Variants in SEMA5A observed in about 807,000 individuals in gnomAD.
SEMA5A encodes the protein semaphorin 5A.
A neutral mutation model predicts 135.5 loss-of-function variants in SEMA5A; 55 were observed. The ratio of observed to expected loss-of-function variants is 0.41; its 90% CI spans 0.33 to 0.51. The LOEUF is 0.51. Among genes scored for constraint, SEMA5A ranks in the 20% least tolerant of loss-of-function variants. The pLI is 0.37. For synonymous variants in SEMA5A, 580 were observed against 546.5 expected, an observed-to-expected ratio of 1.06 and a Z score of -0.85; for missense variants, 1,290 against 1,419.9, an observed-to-expected ratio of 0.91 and a Z score of 1.47.
At chr5:9,353,585 A>T (rs188529964) in intron 3 of SEMA5A, among the ~76,000 whole-genome samples, 3 of 152,268 alleles carry the variant, frequency 2.0e-5, no homozygotes, top group East Asian at 3.9e-4. Context: ...CAGATATCAT[A>T]TATCTGGTTT....
At chr5:9,096,349 C>T (rs1166618393) in intron 16 of SEMA5A, among the ~76,000 whole-genome samples, 1 of 152,214 alleles carries the variant, frequency 6.6e-6, no homozygotes, top group African/African-American at 2.4e-5. Flanking sequence ...ATTCCCCCTG[C>T]ACTCTCCTGC....
At chr5:9,123,484 T>G (rs1339343432) in intron 13 of SEMA5A, among the ~76,000 whole-genome samples, 1 of 148,394 alleles carries the variant, frequency 6.7e-6, no homozygotes, top group Non-Finnish European at 1.5e-5. Context: ...AGGAGAAGAA[T>G]GATGGGAGGA....
At chr5:9,488,649 G>T (rs1023836303) in intron 1 of SEMA5A, among the ~76,000 whole-genome samples, 1 of 151,986 alleles carries the variant, frequency 6.6e-6, no homozygotes, top group Non-Finnish European at 1.5e-5. Context: ...ACACTGATGC[G>T]GCCTATGCTC....
At chr5:9,077,279 T>C (rs1478301841) in intron 16 of SEMA5A, among the ~76,000 whole-genome samples, 3 of 152,180 alleles carry the variant, frequency 2.0e-5, no homozygotes, top group Non-Finnish European at 4.4e-5. Flanking sequence ...AGTGCATGTA[T>C]TTGGATCTGG....
At chr5:9,354,468 T>C (rs1175333577) in intron 3 of SEMA5A, among the ~76,000 whole-genome samples, 1 of 152,194 alleles carries the variant, frequency 6.6e-6, no homozygotes, top group African/African-American at 2.4e-5. Context: ...CCAGTTTTCA[T>C]GGTGTTTGTC....
intron 1 of SEMA5A, among the ~76,000 whole-genome samples, chr5:9,495,324 C>T (rs892751655): frequency 6.6e-6 from 1 of 152,074 alleles, no homozygotes; most frequent in South Asian, 2.1e-4. Context: ...CAAGAGCTAC[C>T]GTGAAGCCCA....
chr5:9,278,179 G>A (rs1288356145), intron 5 of SEMA5A, among the ~76,000 whole-genome samples: 1 of 151,830 alleles, frequency 6.6e-6, no homozygotes, highest in Non-Finnish European at 1.5e-5. Flanking sequence ...ATACTGGGAA[G>A]TGGAGTGATG....
intron 5 of SEMA5A, among the ~76,000 whole-genome samples, chr5:9,305,882 A>C (rs954966251): frequency 6.6e-6 from 1 of 152,068 alleles, no homozygotes; most frequent in South Asian, 2.1e-4. Flanking sequence ...CCAGAATTGC[A>C]CTACTGTCTT....
intron 6 of SEMA5A, among the ~76,000 whole-genome samples, chr5:9,234,643 C>T (rs1747805106): frequency 1.3e-5 from 2 of 152,174 alleles, no homozygotes; most frequent in Non-Finnish European, 2.9e-5. Context: ...ATTTATCTTT[C>T]TCAGAGTACG....
intron 1 of SEMA5A, chr5:9,523,302 T>C (rs1433509922): frequency 3.3e-5 from 5 of 152,190 alleles, no homozygotes; most frequent in Non-Finnish European, 7.3e-5. Flanking sequence ...CTGTTAGAGA[T>C]GTAAGCTCCT....
chr5:9,180,001 G>A (rs191466984), intron 11 of SEMA5A, among the ~76,000 whole-genome samples: 15 of 152,136 alleles, frequency 9.9e-5, no homozygotes, highest in African/African-American at 3.4e-4. Context: ...TTCTTGTCTC[G>A]TGCTAGTTTC....
chr5:9,136,687 G>A, intron 12 of SEMA5A, 66 bp from the exon 13 acceptor site: 2 of 1,291,438 alleles, frequency 1.5e-6, no homozygotes, highest in Non-Finnish European at 2.3e-6. Flanking sequence ...CACAAGACAA[G>A]GCGAACCTGT....
intron 5 of SEMA5A, among the ~76,000 whole-genome samples, chr5:9,293,101 G>A (rs3822787): frequency 0.75 from 113,716 of 152,038 alleles, 43,796 homozygotes; most frequent in East Asian, 0.89. Flanking sequence ...TGAATACCTT[G>A]TGATGGCACT....
intron 1 of SEMA5A, among the ~76,000 whole-genome samples, chr5:9,542,845 T>C (rs1343740725): frequency 6.6e-6 from 1 of 152,182 alleles, no homozygotes; most frequent in Non-Finnish European, 1.5e-5. Flanking sequence ...ACCTCTTCCT[T>C]GGGATGAGTT....
intron 2 of SEMA5A, among the ~76,000 whole-genome samples, chr5:9,397,727 G>A (rs2126552923): frequency 1.3e-5 from 2 of 152,284 alleles, no homozygotes; most frequent in South Asian, 4.1e-4. Context: ...AGATGAATTG[G>A]GAGCTTAAGC....
At chr5:9,132,636 C>G (rs1741496117) in intron 13 of SEMA5A, among the ~76,000 whole-genome samples, 1 of 152,166 alleles carries the variant, frequency 6.6e-6, no homozygotes, top group Non-Finnish European at 1.5e-5. Flanking sequence ...AAGTCACAGC[C>G]ACTGCATGAA....
intron 8 of SEMA5A, among the ~76,000 whole-genome samples, chr5:9,209,977 T>C (rs1364346137): frequency 1.3e-5 from 2 of 152,222 alleles, no homozygotes; most frequent in Non-Finnish European, 2.9e-5. Context: ...CTAGAATCTC[T>C]AGACAATGAA....
At chr5:9,540,259 T>C (rs1349745113) in intron 1 of SEMA5A, among the ~76,000 whole-genome samples, 3 of 152,094 alleles carry the variant, frequency 2.0e-5, no homozygotes, top group Admixed American at 6.5e-5. Context: ...TGAAAGACTT[T>C]AAGAAATAAA....
intron 3 of SEMA5A, among the ~76,000 whole-genome samples, chr5:9,352,297 T>A (rs1199654325): frequency 6.6e-6 from 1 of 152,160 alleles, no homozygotes; most frequent in Non-Finnish European, 1.5e-5. Flanking sequence ...ATCTGATATA[T>A]CTTTTTATTT....
Sources: gnomAD v4.1 joint callset for allele counts (sites outside exome capture counted in the v4.1 genomes callset) on GRCh38, gnomAD v4.1.1 for gene constraint, MANE v1.5 for transcripts, NCBI Gene and HGNC (gene_info 2026-07-23, HGNC 2026-07-21) for gene names.